AGBL1: variants seen among roughly 807,000 people sequenced by gnomAD.
AGBL1 encodes the protein AGBL carboxypeptidase 1.
AGBL1 carries 130 observed loss-of-function variants against 118.9 expected under a neutral mutation model. The observed-to-expected ratio is 1.09, with a 90% CI of 0.95 to 1.26. AGBL1 has a LOEUF of 1.26. AGBL1 is among the 50% of genes most tolerant of loss of function. AGBL1 has a pLI of 0.00. For missense variants in AGBL1, 1,584 were observed against 1,298.1 expected, an observed-to-expected ratio of 1.22 and a Z score of -3.38; for synonymous variants, 555 against 478.9, an observed-to-expected ratio of 1.16 and a Z score of -2.08.
At chr15:86,764,175 G>T (rs1257473080) in intron 22 of AGBL1, among the ~76,000 whole-genome samples, 1 of 151,978 alleles carries the variant, frequency 6.6e-6, no homozygotes. Flanking sequence ...TGGAACCATT[G>T]AACCTTACAA....
At chr15:86,927,140 AAAAT>A (rs143358243) in intron 23 of AGBL1, among the ~76,000 whole-genome samples, 5,883 of 151,562 alleles carry the variant, frequency 0.039, 156 homozygotes, top group Middle Eastern at 0.069. Context: ...CTCCATCTTA[AAAAT>A]AAATAAATAA....
intron 23 of AGBL1, among the ~76,000 whole-genome samples, chr15:86,971,286 T>A (rs991785017): frequency 6.6e-6 from 1 of 152,060 alleles, no homozygotes. Context: ...GAAGTATATT[T>A]CTTATGCCCT....
intron 17 of AGBL1, among the ~76,000 whole-genome samples, chr15:86,308,850 A>T (rs976774675): frequency 2.0e-5 from 3 of 152,156 alleles, no homozygotes; most frequent in Non-Finnish European, 2.9e-5. Flanking sequence ...AAAATCAGGT[A>T]TTGTGATGTC....
At position 86,470,128 on chromosome 15, in the gene AGBL1, G is replaced by A. The variant is rs572199364; in HGVS notation, c.2556-52682G>A. 7.4e-4 allele frequency among the ~76,000 whole-genome samples: 113 copies of A among 152,156 alleles called. 1 individual carries two copies. Among genetic ancestry groups the A allele is most frequent in the African/African-American group, 2.4e-3 (98 of 41,530 alleles). On this transcript the variant is annotated intron_variant, in intron 18 of 22. Transcript: ENST00000614907. ...TTTTATTGCCTGTGCTTTAGAGATC[G>A]TAGCCAAGCATCATGGTCCAGACTA...
At chr15:86,740,238 C>A (rs2077658101) in intron 22 of AGBL1, among the ~76,000 whole-genome samples, 1 of 152,144 alleles carries the variant, frequency 6.6e-6, no homozygotes, top group Non-Finnish European at 1.5e-5. Flanking sequence ...CCCTAGCATC[C>A]CCATACTGGG....
In AGBL1 at chr15:86,651,094, C is replaced by A. The variant is rs148501987; in HGVS notation, c.2995-23179C>A. On this transcript the variant is annotated intron_variant, in intron 21 of 22. Coordinates refer to ENST00000614907, the MANE Select transcript of AGBL1 (RefSeq NM_001386094.1). The stretch of plus-strand genomic sequence containing the variant: ...TTTCCTATATTCCCCCAACATACAA[C>A]TTAATTAAGTAGTTCTCAAGTTTTA... 4.0e-3 allele frequency among the ~76,000 whole-genome samples: 614 copies of A among 152,274 alleles called. 4 individuals are homozygous for A. Among genetic ancestry groups the A allele is most frequent in the African/African-American group, 0.014 (592 of 41,574 alleles).
intron 5 of AGBL1, among the ~76,000 whole-genome samples, chr15:86,220,764 A>G (rs1035433311): frequency 2.6e-5 from 4 of 152,330 alleles, no homozygotes; most frequent in Admixed American, 2.0e-4. Context: ...TCATTGATGT[A>G]AACATGGGGA....
chr15:86,429,008 C>T (rs2081900626), intron 18 of AGBL1, among the ~76,000 whole-genome samples: 1 of 152,174 alleles, frequency 6.6e-6, no homozygotes, highest in Non-Finnish European at 1.5e-5. Context: ...AGGATAGACA[C>T]AGGTGGGAAA....
chr15:86,966,324 C>CT (rs1367977492), intron 23 of AGBL1, among the ~76,000 whole-genome samples: 65 of 136,384 alleles, frequency 4.8e-4, no homozygotes, highest in Middle Eastern at 3.7e-3. Flanking sequence ...TGGCCCATAT[C>CT]TTTTTTTTTT....
chr15:86,222,120 A>G (rs1314400776), intron 5 of AGBL1, among the ~76,000 whole-genome samples: 1 of 152,030 alleles, frequency 6.6e-6, no homozygotes, highest in Non-Finnish European at 1.5e-5. Context: ...GCAGCCCTCT[A>G]TTCTGCTCTT....
In AGBL1 at chr15:86,258,163, G is replaced by A. The variant is rs748746107; in HGVS notation, c.969+132G>A. 3.3e-4 allele frequency: 266 copies of A among 811,156 alleles called. 1 individual carries two copies. The Middle Eastern group carries it at 4.3e-3, about 13-fold the overall frequency. The allele number at this position is 811,156 out of a possible 1,614,324, so 50.2% of individuals were successfully genotyped here. A position where few individuals can be genotyped will look rare whatever the true frequency, so the allele number is the denominator to read the frequency against. On this transcript the variant is annotated intron_variant, in intron 9 of 22. Coordinates refer to ENST00000614907, the MANE Select transcript of AGBL1 (RefSeq NM_001386094.1). ...CTTTAGTACTGCCACTCCAGTGGTC[G>A]TGATGCGCAGTAAATGATAGCTACT...
At chr15:86,853,283 G>C (rs892745101) in intron 22 of AGBL1, among the ~76,000 whole-genome samples, 1 of 152,108 alleles carries the variant, frequency 6.6e-6, no homozygotes, top group Admixed American at 6.6e-5. Flanking sequence ...AATCAAAATA[G>C]TTTCACACGT....
At chr15:86,129,001 G>T (rs987145220) in intron 1 of AGBL1, among the ~76,000 whole-genome samples, 21 of 152,110 alleles carry the variant, frequency 1.4e-4, no homozygotes, top group Non-Finnish European at 2.4e-4. Context: ...GGATAAATTG[G>T]GGAGAACACT....
At chr15:86,650,393 A>G (rs1298781889) in intron 21 of AGBL1, among the ~76,000 whole-genome samples, 2 of 152,172 alleles carry the variant, frequency 1.3e-5, no homozygotes, top group African/African-American at 4.8e-5. Context: ...TAAGGAATCT[A>G]TGTCTCTGAC....
chr15:86,413,173 T>C (rs908733674), intron 18 of AGBL1, among the ~76,000 whole-genome samples: 2 of 152,122 alleles, frequency 1.3e-5, no homozygotes, highest in African/African-American at 4.8e-5. Context: ...CCTTTCTTTA[T>C]AGAAGAGAAA....
At chr15:86,392,965 G>A (rs74027541) in intron 17 of AGBL1, among the ~76,000 whole-genome samples, 5,043 of 152,256 alleles carry the variant, frequency 0.033, 285 homozygotes, top group African/African-American at 0.11. Context: ...ATTTACAGCT[G>A]TTGTCCATTA....
chr15:86,170,428 G>GA (rs2077398200), intron 5 of AGBL1, among the ~76,000 whole-genome samples: 3 of 151,598 alleles, frequency 2.0e-5, no homozygotes, highest in Non-Finnish European at 2.9e-5. Flanking sequence ...GGTAGGGACA[G>GA]AAAAAAATAT....
chr15:86,709,172 G>T (rs6496353), intron 22 of AGBL1, among the ~76,000 whole-genome samples: 1 of 151,804 alleles, frequency 6.6e-6, no homozygotes, highest in Non-Finnish European at 1.5e-5. Context: ...CACAAAACTT[G>T]TACTCATCAT....
intron 22 of AGBL1, among the ~76,000 whole-genome samples, chr15:86,699,904 T>C (rs28880680): frequency 0.035 from 5,367 of 152,176 alleles, 319 homozygotes; most frequent in African/African-American, 0.12. Context: ...CTACCAGTTT[T>C]AGCATCCACT....
Sources: allele counts gnomAD v4.1 joint callset (sites outside exome capture counted in the v4.1 genomes callset), GRCh38; gene constraint gnomAD v4.1.1; transcripts MANE v1.5; gene names NCBI Gene and HGNC (gene_info 2026-07-23, HGNC 2026-07-21).